NEK7: variants seen among roughly 807,000 people sequenced by gnomAD.
NEK7 encodes serine/threonine-protein kinase Nek7.
Under a neutral mutation model 44.6 loss-of-function variants are expected in NEK7, and 18 were observed. The observed-to-expected ratio is 0.40, with a 90% CI of 0.28 to 0.60. The LOEUF is 0.60. NEK7 is among the 20% of genes least tolerant of loss of function. NEK7 has a pLI of 0.38. For missense variants in NEK7, 256 were observed against 366.5 expected (o/e 0.70, Z 2.46); for synonymous variants, 130 against 121.1 (o/e 1.07, Z -0.48).
intron 5 of NEK7, among the ~76,000 whole-genome samples, chr1:198,271,161 A>G (rs978087988): frequency 6.6e-6 from 1 of 152,008 alleles, no homozygotes. Context: ...TGGCTCACCC[A>G]ATTAGGTCAT....
intron 1 of NEK7, among the ~76,000 whole-genome samples, chr1:198,170,853 T>C (rs1248138325): frequency 6.6e-6 from 1 of 152,200 alleles, no homozygotes; most frequent in Non-Finnish European, 1.5e-5. Context: ...GGTTTGTAGT[T>C]ATGGCACATC....
intron 2 of NEK7, among the ~76,000 whole-genome samples, chr1:198,252,415 A>G (rs532600871): frequency 3.3e-5 from 5 of 151,050 alleles, no homozygotes; most frequent in Admixed American, 6.6e-5. Context: ...GCTGAGTTCA[A>G]TTCCTGGGTA....
intron 1 of NEK7, 98 bp downstream of exon 1, chr1:198,157,374 C>T (rs553981971): frequency 1.3e-5 from 2 of 152,374 alleles, no homozygotes; most frequent in Admixed American, 1.3e-4. Context: ...GTCGGGACCG[C>T]GCGGGGCGGC....
At chr1:198,302,962 T>A (rs1259125346) in intron 9 of NEK7, among the ~76,000 whole-genome samples, 3 of 152,166 alleles carry the variant, frequency 2.0e-5, no homozygotes, top group Admixed American at 6.5e-5. Context: ...CTCTTAGACT[T>A]ACTAATTCTT....
chr1:198,193,024 CG>C (rs1004533892), intron 1 of NEK7, among the ~76,000 whole-genome samples: 19 of 149,280 alleles, frequency 1.3e-4, no homozygotes, highest in Non-Finnish European at 1.8e-4. Context: ...AATCCAGGAG[CG>C]GTTTTTTTTT....
At chr1:198,161,883 T>G (rs1664116838) in intron 1 of NEK7, among the ~76,000 whole-genome samples, 1 of 152,012 alleles carries the variant, frequency 6.6e-6, no homozygotes, top group Admixed American at 6.5e-5. Context: ...TGTCTAGTAG[T>G]TTTTATTTTA....
At chr1:198,301,104 T>G (rs1432220526) in intron 9 of NEK7, among the ~76,000 whole-genome samples, 2 of 152,234 alleles carry the variant, frequency 1.3e-5, no homozygotes, top group African/African-American at 4.8e-5. Context: ...ATTTTGAAAT[T>G]TAACTGATAC....
rs535272186 is a variant in NEK7 at position 198,297,073 on chromosome 1, T to C, written c.685-54T>C. On this transcript the variant is annotated intron_variant, in intron 8 of 9. Transcript: ENST00000367385. The stretch of plus-strand genomic sequence containing the variant: ...CCCCCGTATAATATACTTGATGAAA[T>C]CACCTTTTAAGTTACCATCTAACTA... 2.6e-6 allele frequency: 3 copies of C among 1,135,014 alleles called. No homozygotes were observed. The African/African-American group carries it at 4.6e-5, about 17-fold the overall frequency. 70.3% of individuals were successfully genotyped at this position (1,135,014 alleles called of 1,614,324 possible). A position where few individuals can be genotyped will look rare whatever the true frequency, so the allele number is the denominator to read the frequency against.
At chr1:198,267,189 G>A (rs1653679609) in intron 5 of NEK7, among the ~76,000 whole-genome samples, 3 of 152,022 alleles carry the variant, frequency 2.0e-5, no homozygotes, top group Admixed American at 6.6e-5. Flanking sequence ...GCACTTCTGA[G>A]TGCCTTTTCT....
rs1655515812 is a variant in NEK7, at chr1:198,320,869, T to C, written c.*1347T>C. 1 of 152,250 alleles carries C rather than the reference T, an allele frequency of 6.6e-6. No individual in the cohort carries two copies. Among genetic ancestry groups the C allele is most frequent in the Non-Finnish European group, 1.5e-5 (1 of 68,042 alleles). The allele number at this position is 152,250 out of a possible 1,614,324, so 9.4% of individuals were successfully genotyped here. On this transcript the variant is annotated 3_prime_UTR_variant, in exon 10 of 10. Coordinates refer to ENST00000367385, the MANE Select transcript of NEK7 (RefSeq NM_133494.3). Reference sequence around the variant, plus strand: ...TATTTGTTCATGAAGATGACTGAGATGGTAACACTTCGTGTAGCTTAAGGA... The same window carrying C: ...TATTTGTTCATGAAGATGACTGAGACGGTAACACTTCGTGTAGCTTAAGGA...
At chr1:198,197,675 G>A (rs1571522645) in intron 1 of NEK7, 2 of 414,902 alleles carry the variant, frequency 4.8e-6, no homozygotes, top group Non-Finnish European at 9.0e-6. Context: ...TGGGGGTAGG[G>A]GTGGGGAGCC....
At chr1:198,199,322 T>C (rs1665346170) in intron 1 of NEK7, among the ~76,000 whole-genome samples, 1 of 152,190 alleles carries the variant, frequency 6.6e-6, no homozygotes, top group Non-Finnish European at 1.5e-5. Flanking sequence ...AGTCATTGGA[T>C]GCAGCTGCTT....
At chr1:198,246,889 G>T (rs896671231) in intron 2 of NEK7, among the ~76,000 whole-genome samples, 1 of 152,178 alleles carries the variant, frequency 6.6e-6, no homozygotes, top group African/African-American at 2.4e-5. Context: ...ATGGGAGAAG[G>T]ATTTATACTT....
intron 5 of NEK7, among the ~76,000 whole-genome samples, chr1:198,276,281 C>T (rs1306459950): frequency 3.3e-5 from 5 of 151,554 alleles, no homozygotes; most frequent in South Asian, 4.2e-4. Flanking sequence ...TTTCAAAATC[C>T]GTATTAAAGC....
intron 1 of NEK7, among the ~76,000 whole-genome samples, chr1:198,214,584 C>T (rs2102826906): frequency 6.6e-6 from 1 of 152,230 alleles, no homozygotes; most frequent in Non-Finnish European, 1.5e-5. Context: ...GAAAGAATTA[C>T]AGAGCTTGAA....
Position 198,292,951 on chromosome 1 carries a change from C to T in NEK7, c.596C>T (p.Thr199Met). 3.2e-6 allele frequency: 5 copies of T among 1,560,702 alleles called. No homozygotes were observed. The highest frequency in any genetic ancestry group is 1.7e-4 in the Middle Eastern group (1 of 5,942). The change falls in exon 8 of 10, where the codon ACG becomes ATG. Residue 199 changes from threonine to methionine, a missense_variant. Thr to Met is a moderately conservative substitution (Grantham distance 81). Transcript: ENST00000367385. ...TTGGTTTGTTTTTTTGCAGTTGGTA[C>T]GCCTTATTACATGTCTCCAGAGAGA... ...KTTAAHSLVG[T>M]PYYMSPERIH...
At chr1:198,248,080 G>A (rs986603022) in intron 2 of NEK7, among the ~76,000 whole-genome samples, 1 of 152,086 alleles carries the variant, frequency 6.6e-6, no homozygotes, top group Admixed American at 6.6e-5. Flanking sequence ...GAGGGGGTGT[G>A]AGGAGAATGG....
chr1:198,166,208 A>G (rs2102707097), intron 1 of NEK7, among the ~76,000 whole-genome samples: 1 of 152,358 alleles, frequency 6.6e-6, no homozygotes, highest in South Asian at 2.1e-4. Context: ...ACTGAGTATC[A>G]CTTTTTTCTT....
intron 1 of NEK7, among the ~76,000 whole-genome samples, chr1:198,187,335 G>A (rs1390341521): frequency 6.6e-6 from 1 of 152,066 alleles, no homozygotes; most frequent in Non-Finnish European, 1.5e-5. Flanking sequence ...ATTTGACTCC[G>A]ATGGCTAGTC....
Sources: gnomAD v4.1 joint callset for allele counts (sites outside exome capture counted in the v4.1 genomes callset) on GRCh38, gnomAD v4.1.1 for gene constraint, MANE v1.5 for transcripts, NCBI Gene and HGNC (gene_info 2026-07-23, HGNC 2026-07-21) for gene names.